Variants in CDH18 observed in about 807,000 individuals in gnomAD.
CDH18 encodes cadherin-18.
A neutral mutation model predicts 67.9 loss-of-function variants in CDH18; 31 were observed. That is an observed-to-expected ratio of 0.46 (90% CI 0.34 to 0.62). The LOEUF (loss-of-function observed/expected upper bound fraction) is 0.62. Ranked by LOEUF, CDH18 falls within the 20% of genes least tolerant of loss-of-function variation. The probability of loss-of-function intolerance (pLI) is 0.01; values close to 1 mark genes in which losing one functional copy is unlikely to be tolerated. For synonymous variants in CDH18, 362 were observed against 347.2 expected, an observed-to-expected ratio of 1.04 and a Z score of -0.48; for missense variants, 890 against 975.5, an observed-to-expected ratio of 0.91 and a Z score of 1.17.
chr5:20,201,783 G>C (rs1017916051), intron 2 of CDH18, among the ~76,000 whole-genome samples: 18 of 152,134 alleles, frequency 1.2e-4, no homozygotes, highest in African/African-American at 4.3e-4. Context: ...AGGAAGAAGA[G>C]ACAGAGAAGC....
At chr5:19,685,070 C>T (rs1226779971) in intron 5 of CDH18, among the ~76,000 whole-genome samples, 1 of 152,122 alleles carries the variant, frequency 6.6e-6, no homozygotes, top group African/African-American at 2.4e-5. Flanking sequence ...TCATGTGCTC[C>T]ATAACTGAAT....
At chr5:19,779,253 A>G in intron 3 of CDH18, among the ~76,000 whole-genome samples, 1 of 152,178 alleles carries the variant, frequency 6.6e-6, no homozygotes, top group East Asian at 1.9e-4. Context: ...TTAATTTTAT[A>G]GAATAATCAC....
intron 2 of CDH18, among the ~76,000 whole-genome samples, chr5:20,026,757 G>C (rs1003789235): frequency 6.6e-6 from 1 of 152,098 alleles, no homozygotes; most frequent in African/African-American, 2.4e-5. Context: ...AGGAGATGGA[G>C]ACCATTCTAG....
At chr5:20,339,193 A>T (rs1421845008) in intron 1 of CDH18, among the ~76,000 whole-genome samples, 1 of 152,144 alleles carries the variant, frequency 6.6e-6, no homozygotes, top group African/African-American at 2.4e-5. Flanking sequence ...GTGCCTCCTG[A>T]AACACTGGGA....
chr5:20,524,381 G>A (rs1355694662), intron 1 of CDH18, among the ~76,000 whole-genome samples: 1 of 152,076 alleles, frequency 6.6e-6, no homozygotes, highest in Non-Finnish European at 1.5e-5. Flanking sequence ...TTCTATTAAA[G>A]ACAATGTTTG....
chr5:19,757,299 T>C (rs537600386), intron 3 of CDH18, among the ~76,000 whole-genome samples: 4 of 152,196 alleles, frequency 2.6e-5, no homozygotes, highest in Non-Finnish European at 5.9e-5. Flanking sequence ...CTTTCCATGA[T>C]GGAGGAGGTT....
intron 3 of CDH18, among the ~76,000 whole-genome samples, chr5:19,767,381 A>G (rs1467885618): frequency 6.6e-6 from 1 of 152,076 alleles, no homozygotes; most frequent in Non-Finnish European, 1.5e-5. Flanking sequence ...CTTGAAGGGT[A>G]AAGGAAAAAT....
At chr5:19,751,573 A>G (rs893360210) in intron 3 of CDH18, among the ~76,000 whole-genome samples, 1 of 152,210 alleles carries the variant, frequency 6.6e-6, no homozygotes, top group African/African-American at 2.4e-5. Context: ...TGTATCCTTC[A>G]TTCCAGAATG....
At chr5:20,482,659 T>C (rs1752897482) in intron 1 of CDH18, among the ~76,000 whole-genome samples, 1 of 152,054 alleles carries the variant, frequency 6.6e-6, no homozygotes, top group African/African-American at 2.4e-5. Flanking sequence ...ATGATCAGAA[T>C]GAAGGACAAA....
intron 10 of CDH18, among the ~76,000 whole-genome samples, chr5:19,506,257 T>G (rs865883998): frequency 1.8e-4 from 27 of 151,940 alleles, no homozygotes; most frequent in Non-Finnish European, 3.1e-4. Context: ...TGAAATAAAA[T>G]AGGATACAAA....
At chr5:19,995,402 C>A (rs940098693) in intron 2 of CDH18, among the ~76,000 whole-genome samples, 1 of 151,904 alleles carries the variant, frequency 6.6e-6, no homozygotes, top group Non-Finnish European at 1.5e-5. Flanking sequence ...AAATGTGTAT[C>A]TGGTACAATA....
chr5:19,546,749 G>A lies in CDH18; in HGVS notation c.1254-2744C>T, dbSNP rs1024410654. On this transcript the variant is annotated intron_variant, in intron 8 of 12. Transcript: ENST00000382275. The stretch of plus-strand genomic sequence containing the variant: ...TGGAGAGGCATGAACACACATGGCA[G>A]AAGATATTAATAGCAGCATGGAGAA... Among the ~76,000 whole-genome samples the A allele has an allele frequency of 8.5e-5, 13 of 152,210 alleles. No homozygotes were observed. The South Asian group carries it at 2.3e-3, about 27-fold the overall frequency.
intron 3 of CDH18, among the ~76,000 whole-genome samples, chr5:19,823,321 T>C (rs955873517): frequency 6.6e-5 from 10 of 152,166 alleles, no homozygotes; most frequent in Non-Finnish European, 1.2e-4. Context: ...AGGGTATTGA[T>C]TGGGGAAGTG....
intron 2 of CDH18, among the ~76,000 whole-genome samples, chr5:20,005,957 T>C (rs548491432): frequency 1.1e-4 from 17 of 152,090 alleles, no homozygotes; most frequent in African/African-American, 3.4e-4. Flanking sequence ...TTGAAAGAGA[T>C]AGAATTCCTT....
rs551138686 is a variant in CDH18, at chr5:19,888,097, T to G, written c.-256-48855A>C. Among the ~76,000 whole-genome samples the G allele has an allele frequency of 2.5e-4, 38 of 152,268 alleles. No homozygotes were observed. In the South Asian group the frequency reaches 7.0e-3, roughly 28 times the overall value. On this transcript the variant is annotated intron_variant, in intron 2 of 12. Coordinates refer to ENST00000382275, the MANE Select transcript of CDH18 (RefSeq NM_004934.5). ...GTCTCTTCTGAGATTTCTATCACAC[T>G]GCTTTACCATGTTGCATTATAATTA...
intron 2 of CDH18, among the ~76,000 whole-genome samples, chr5:20,123,451 C>T (rs904754013): frequency 6.6e-6 from 1 of 152,148 alleles, no homozygotes; most frequent in Non-Finnish European, 1.5e-5. Flanking sequence ...ACCTTCTTTC[C>T]CTCTCTTGTT....
At chr5:20,282,323 C>T (rs1746345406) in intron 1 of CDH18, among the ~76,000 whole-genome samples, 1 of 152,080 alleles carries the variant, frequency 6.6e-6, no homozygotes. Flanking sequence ...CAGTTTTTGC[C>T]CATTCAGTAT....
intron 2 of CDH18, among the ~76,000 whole-genome samples, chr5:20,034,163 T>C (rs1739637333): frequency 6.6e-6 from 1 of 151,996 alleles, no homozygotes; most frequent in Non-Finnish European, 1.5e-5. Flanking sequence ...GAGAAATTGA[T>C]GAAATTTTGG....
intron 11 of CDH18, among the ~76,000 whole-genome samples, chr5:19,489,492 C>T (rs568531818): frequency 6.6e-6 from 1 of 151,878 alleles, no homozygotes; most frequent in Non-Finnish European, 1.5e-5. Flanking sequence ...TGTGATCTGC[C>T]CCCCTTGGCC....
Sources: allele counts gnomAD v4.1 joint callset (sites outside exome capture counted in the v4.1 genomes callset), GRCh38; gene constraint gnomAD v4.1.1; transcripts MANE v1.5; gene names NCBI Gene and HGNC (gene_info 2026-07-23, HGNC 2026-07-21).